Variants in ESR1 observed in about 807,000 individuals in gnomAD.
ESR1 encodes the protein estrogen receptor.
ESR1 carries 12 observed loss-of-function variants against 52.7 expected under a neutral mutation model. That is an observed-to-expected ratio of 0.23 (90% CI 0.15 to 0.37). The LOEUF (loss-of-function observed/expected upper bound fraction) is 0.37. ESR1 is among the 10% of genes least tolerant of loss of function. The pLI, the probability that ESR1 is intolerant of heterozygous loss-of-function variation, is 1.00. For synonymous variants in ESR1, 305 were observed against 316.8 expected, an observed-to-expected ratio of 0.96 and a Z score of 0.39; for missense variants, 584 against 779.7, an observed-to-expected ratio of 0.75 and a Z score of 2.99.
At chr6:152,003,976 A>G (rs2042151598) in intron 4 of ESR1, among the ~76,000 whole-genome samples, 1 of 152,050 alleles carries the variant, frequency 6.6e-6, no homozygotes, top group African/African-American at 2.4e-5. Context: ...AAAGTAAAGA[A>G]CAATTTCTCT....
At chr6:151,851,820 A>G (rs1425234912) in intron 2 of ESR1, among the ~76,000 whole-genome samples, 1 of 152,140 alleles carries the variant, frequency 6.6e-6, no homozygotes, top group East Asian at 1.9e-4. Flanking sequence ...GAGCCGCCGC[A>G]CCCGGCTGAT....
intron 2 of ESR1, among the ~76,000 whole-genome samples, chr6:151,777,931 GC>G (rs1786170148): frequency 6.6e-6 from 1 of 152,058 alleles, no homozygotes; most frequent in Non-Finnish European, 1.5e-5. Context: ...CTGCACTTCA[GC>G]CTGGGGAACA....
Position 151,716,686 on chromosome 6 carries a change from C to T in ESR1, c.-71+14681C>T, listed in dbSNP as rs188844965. Among the ~76,000 whole-genome samples, 224 of 152,256 alleles carry T rather than the reference C, an allele frequency of 1.5e-3. 1 individual carries two copies. The highest frequency in any genetic ancestry group is 5.1e-3 in the African/African-American group (213 of 41,556). On this transcript the variant is annotated intron_variant, in intron 2 of 2. Transcript: ENST00000404742. The stretch of plus-strand genomic sequence containing the variant: ...TAATGGCGGATGCCCCTCCCCCCAC[C>T]AAGCTTGAGCATCCCAGGTCAAGTT...
chr6:151,840,597 G>A (rs1784134655), intron 1 of ESR1, among the ~76,000 whole-genome samples: 1 of 152,150 alleles, frequency 6.6e-6, no homozygotes, highest in East Asian at 1.9e-4. Context: ...GCAGGGAGAG[G>A]TTATACAATT....
At chr6:151,821,845 ATT>A (rs1780605827) in intron 1 of ESR1, among the ~76,000 whole-genome samples, 1 of 152,228 alleles carries the variant, frequency 6.6e-6, no homozygotes, top group Non-Finnish European at 1.5e-5. Context: ...ACTGTTTACT[ATT>A]AAATTTTCCC....
intron 4 of ESR1, among the ~76,000 whole-genome samples, chr6:151,997,035 A>G (rs2041549644): frequency 6.6e-6 from 1 of 151,962 alleles, no homozygotes; most frequent in Non-Finnish European, 1.5e-5. Context: ...AAAAGCAGGT[A>G]CTGTCCCTAT....
chr6:151,890,065 C>G (rs1035106421), intron 3 of ESR1, among the ~76,000 whole-genome samples: 4 of 151,120 alleles, frequency 2.6e-5, no homozygotes, highest in Admixed American at 6.6e-5. Flanking sequence ...TGTGTCCTAA[C>G]ATATGAACTA....
chr6:151,888,150 G>GT (rs1471323809), intron 3 of ESR1, among the ~76,000 whole-genome samples: 1 of 151,882 alleles, frequency 6.6e-6, no homozygotes, highest in Non-Finnish European at 1.5e-5. Flanking sequence ...GCTATTCAGG[G>GT]TTTTTTTGTG....
intron 4 of ESR1, among the ~76,000 whole-genome samples, chr6:151,980,738 C>T (rs993292727): frequency 6.6e-6 from 1 of 152,198 alleles, no homozygotes; most frequent in African/African-American, 2.4e-5. Context: ...GAGTCTCATT[C>T]TGTTGCCCAG....
intron 6 of ESR1, among the ~76,000 whole-genome samples, chr6:152,118,945 T>TACAC (rs2051243082): frequency 6.6e-6 from 1 of 152,122 alleles, no homozygotes; most frequent in Non-Finnish European, 1.5e-5. Context: ...ACCTATCTGG[T>TACAC]ACACACTCAG....
At chr6:152,008,969 T>C (rs1368953542) in intron 4 of ESR1, among the ~76,000 whole-genome samples, 3 of 152,084 alleles carry the variant, frequency 2.0e-5, no homozygotes, top group Non-Finnish European at 4.4e-5. Context: ...GCTTATCCTA[T>C]GAGATCGTGG....
intron 2 of ESR1, among the ~76,000 whole-genome samples, chr6:151,849,714 G>C (rs1785935606): frequency 1.3e-5 from 2 of 151,622 alleles, no homozygotes; most frequent in Non-Finnish European, 1.5e-5. Context: ...ATGTCACTGG[G>C]TTAGGTTGGT....
At chr6:151,780,021 C>G (rs1223115844) in intron 2 of ESR1, among the ~76,000 whole-genome samples, 1 of 151,780 alleles carries the variant, frequency 6.6e-6, no homozygotes, top group Non-Finnish European at 1.5e-5. Flanking sequence ...AACCATCATT[C>G]TCAGCAAACT....
downstream of ESR1, among the ~76,000 whole-genome samples, chr6:152,105,728 TTTAA>T (rs1443249641): frequency 1.3e-5 from 2 of 151,548 alleles, no homozygotes; most frequent in Admixed American, 6.6e-5. Flanking sequence ...GCCCAGCCAA[TTTAA>T]TTATTTTTTG....
At chr6:151,960,281 G>T (rs1336480225) in intron 4 of ESR1, among the ~76,000 whole-genome samples, 2 of 152,174 alleles carry the variant, frequency 1.3e-5, no homozygotes, top group African/African-American at 4.8e-5. Flanking sequence ...TCTAGTGGGG[G>T]AGACAGAAAG....
At chr6:151,803,313 C>G (rs1170026737), upstream of ESR1, among the ~76,000 whole-genome samples, 2 of 152,026 alleles carry the variant, frequency 1.3e-5, no homozygotes, top group African/African-American at 4.8e-5. Context: ...TGAATAGAGA[C>G]TAAAGGAAGG....
chr6:151,906,824 C>A (rs1797528417), intron 3 of ESR1, among the ~76,000 whole-genome samples: 1 of 150,454 alleles, frequency 6.6e-6, no homozygotes, highest in South Asian at 2.1e-4. Context: ...TAAATCTTTC[C>A]TTCCCTGGAC....
At chr6:151,733,935 A>G (rs1442688822) in intron 2 of ESR1, among the ~76,000 whole-genome samples, 2 of 152,020 alleles carry the variant, frequency 1.3e-5, no homozygotes, top group African/African-American at 4.8e-5. Flanking sequence ...TTACACAATT[A>G]TTTTCCTTTA....
intron 6 of ESR1, among the ~76,000 whole-genome samples, chr6:152,114,691 A>G: frequency 6.6e-6 from 1 of 151,752 alleles, no homozygotes. Context: ...GGAGATCGAG[A>G]CCATCCGGGC....
Sources: gnomAD v4.1 joint callset for allele counts (sites outside exome capture counted in the v4.1 genomes callset) on GRCh38, gnomAD v4.1.1 for gene constraint, MANE v1.5 for transcripts, NCBI Gene and HGNC (gene_info 2026-07-23, HGNC 2026-07-21) for gene names.